ARHGAP26: variants seen among roughly 807,000 people sequenced by gnomAD.
The protein encoded by ARHGAP26 is rho GTPase-activating protein 26.
ARHGAP26 carries 38 observed loss-of-function variants against 104.8 expected under a neutral mutation model. That is an observed-to-expected ratio of 0.36 (90% CI 0.28 to 0.48). The LOEUF (loss-of-function observed/expected upper bound fraction) is 0.48, where lower values mean the gene tolerates loss of function less well. ARHGAP26 is among the 20% of genes least tolerant of loss of function. The probability of loss-of-function intolerance (pLI) is 0.99; values close to 1 mark genes in which losing one functional copy is unlikely to be tolerated. For synonymous variants in ARHGAP26, 341 were observed against 340.0 expected (o/e 1.00, Z -0.03); for missense variants, 704 against 947.9 (o/e 0.74, Z 3.38).
intron 12 of ARHGAP26, among the ~76,000 whole-genome samples, chr5:143,035,919 G>GAGTA: frequency 8.7e-6 from 1 of 114,914 alleles, no homozygotes; most frequent in Non-Finnish European, 1.6e-5. Context: ...TTGAGCGACA[G>GAGTA]AGTAAGACCT....
intron 1 of ARHGAP26, among the ~76,000 whole-genome samples, chr5:142,789,445 A>G (rs1178788322): frequency 2.0e-5 from 3 of 152,142 alleles, no homozygotes; most frequent in Admixed American, 6.6e-5. Flanking sequence ...AGATTCTGCA[A>G]TCTTTTCTGG....
At chr5:143,184,498 A>C (rs571266856) in intron 20 of ARHGAP26, among the ~76,000 whole-genome samples, 1 of 152,256 alleles carries the variant, frequency 6.6e-6, no homozygotes, top group East Asian at 1.9e-4. Context: ...TGTATCTACT[A>C]TATAAAAGCT....
chr5:142,926,864 C>G (rs975714066), intron 10 of ARHGAP26, among the ~76,000 whole-genome samples: 14 of 152,288 alleles, frequency 9.2e-5, no homozygotes, highest in African/African-American at 3.4e-4. Context: ...CTCTACCTGC[C>G]CCTGTGATTA....
At chr5:143,049,069 C>T (rs907003166) in intron 14 of ARHGAP26, among the ~76,000 whole-genome samples, 1 of 152,072 alleles carries the variant, frequency 6.6e-6, no homozygotes, top group African/African-American at 2.4e-5. Flanking sequence ...TACCCCTTTC[C>T]ACTACTTTTA....
intron 17 of ARHGAP26, among the ~76,000 whole-genome samples, chr5:143,113,363 G>A (rs1795001006): frequency 6.6e-6 from 1 of 152,136 alleles, no homozygotes; most frequent in Admixed American, 6.6e-5. Context: ...GTAGCCATGT[G>A]TTTCCCCAGA....
At chr5:142,870,033 T>G (rs571272642) in intron 1 of ARHGAP26, among the ~76,000 whole-genome samples, 1 of 152,294 alleles carries the variant, frequency 6.6e-6, no homozygotes, top group South Asian at 2.1e-4. Context: ...TTCCCTCCAC[T>G]CTGGCCAGCA....
At chr5:143,176,452 G>A (rs1803488284) in intron 20 of ARHGAP26, among the ~76,000 whole-genome samples, 1 of 152,174 alleles carries the variant, frequency 6.6e-6, no homozygotes, top group South Asian at 2.1e-4. Flanking sequence ...TGACTCCCAA[G>A]CACCATGGCA....
At chr5:143,208,022 G>C (rs1808853552) in intron 21 of ARHGAP26, among the ~76,000 whole-genome samples, 1 of 152,174 alleles carries the variant, frequency 6.6e-6, no homozygotes, top group East Asian at 1.9e-4. Flanking sequence ...CTCCCAGCCT[G>C]CTTCTGTCTC....
At chr5:143,132,985 G>A (rs1797531837) in intron 18 of ARHGAP26, among the ~76,000 whole-genome samples, 1 of 152,120 alleles carries the variant, frequency 6.6e-6, no homozygotes, top group South Asian at 2.1e-4. Context: ...CAGGATTGCT[G>A]AGAACTGAGT....
chr5:143,110,595 A>G (rs1447867477), intron 17 of ARHGAP26, among the ~76,000 whole-genome samples: 2 of 152,116 alleles, frequency 1.3e-5, no homozygotes, highest in Admixed American at 6.6e-5. Context: ...AACCTCCTCT[A>G]TTTACCCTCT....
chr5:142,804,393 C>T (rs1762600345), intron 1 of ARHGAP26, among the ~76,000 whole-genome samples: 1 of 152,234 alleles, frequency 6.6e-6, no homozygotes, highest in African/African-American at 2.4e-5. Context: ...AGTTTTCATT[C>T]ATTCACTCAC....
At chr5:143,116,604 G>A (rs1214158634) in intron 17 of ARHGAP26, among the ~76,000 whole-genome samples, 2 of 152,156 alleles carry the variant, frequency 1.3e-5, no homozygotes, top group African/African-American at 4.8e-5. Context: ...TGCCTTACAA[G>A]CCCTACAAGG....
At chr5:143,065,561 C>T (rs139184943) in intron 17 of ARHGAP26, among the ~76,000 whole-genome samples, 1 of 152,188 alleles carries the variant, frequency 6.6e-6, no homozygotes, top group Non-Finnish European at 1.5e-5. Context: ...TGAATTATTT[C>T]TCTCTGCCTG....
intron 1 of ARHGAP26, among the ~76,000 whole-genome samples, chr5:142,773,328 CTTTA>C (rs1342706817): frequency 1.3e-5 from 2 of 152,032 alleles, no homozygotes; most frequent in Non-Finnish European, 1.5e-5. Flanking sequence ...ACTTTTGTGG[CTTTA>C]TTTTATAGCC....
intron 20 of ARHGAP26, among the ~76,000 whole-genome samples, chr5:143,175,367 A>G (rs3776238): frequency 0.17 from 25,252 of 152,230 alleles, 2,539 homozygotes; most frequent in South Asian, 0.41. Context: ...CTGTGGTGAC[A>G]GTGAAGGAAA....
chr5:142,879,398 A>T lies in ARHGAP26; in HGVS notation c.337A>T (p.Ile113Phe). 1 of 1,614,152 alleles carries T rather than the reference A, an allele frequency of 6.2e-7. No homozygotes were observed. The highest frequency in any genetic ancestry group is 8.5e-7 in the Non-Finnish European group (1 of 1,180,022). ...RMIENASEVLITPLEKFRKEQ... is the reference protein window; with the variant it reads ...RMIENASEVLFTPLEKFRKEQ... Reference sequence around the variant, plus strand: ...GATTGAGAATGCCAGCGAGGTGCTCATCACTCCCTTGGAGAAGTTTCGAAA... The same window carrying T: ...GATTGAGAATGCCAGCGAGGTGCTCTTCACTCCCTTGGAGAAGTTTCGAAA... Residue 113 changes from isoleucine to phenylalanine, a missense_variant, in exon 4 of 23, where the codon ATC becomes TTC. This residue lies in a region of ARHGAP26 where 106 missense variants were observed against 120.5 expected (regional missense o/e 0.88). Transcript: ENST00000645722.
chr5:143,112,742 AAC>A (rs1794920189), intron 17 of ARHGAP26, among the ~76,000 whole-genome samples: 1 of 152,216 alleles, frequency 6.6e-6, no homozygotes, highest in Admixed American at 6.5e-5. Flanking sequence ...TATGTCACCT[AAC>A]ACAATATCCC....
intron 20 of ARHGAP26, among the ~76,000 whole-genome samples, chr5:143,175,912 G>A (rs887439500): frequency 2.8e-4 from 42 of 152,202 alleles, no homozygotes; most frequent in African/African-American, 9.6e-4. Context: ...TCAGGAGTTC[G>A]AGACCAGCCT....
chr5:142,784,070 G>A (rs1382547133), intron 1 of ARHGAP26, among the ~76,000 whole-genome samples: 1 of 152,176 alleles, frequency 6.6e-6, no homozygotes, highest in Non-Finnish European at 1.5e-5. Context: ...GCCAGGACTT[G>A]CCACAATCTG....
Sources: gnomAD v4.1 joint callset for allele counts (sites outside exome capture counted in the v4.1 genomes callset) on GRCh38, gnomAD v4.1.1 for gene constraint, gnomAD v4.1.1 regional missense constraint, MANE v1.5 for transcripts, NCBI Gene and HGNC (gene_info 2026-07-23, HGNC 2026-07-21) for gene names.